The following CCDC180 variants were observed in gnomAD, a reference collection of about 807,000 sequenced individuals.
The protein encoded by CCDC180 is coiled-coil domain containing 180, also known as coiled-coil domain-containing protein 180.
A neutral mutation model predicts 209.2 loss-of-function variants in CCDC180; 154 were observed. The ratio of observed to expected loss-of-function variants is 0.74; its 90% CI spans 0.65 to 0.84. The LOEUF (loss-of-function observed/expected upper bound fraction) is 0.84, where lower values mean the gene tolerates loss of function less well. Ranked by LOEUF, CCDC180 falls within the 40% of genes least tolerant of loss-of-function variation. The pLI is 0.00. For synonymous variants in CCDC180, 778 were observed against 749.1 expected, an observed-to-expected ratio of 1.04 and a Z score of -0.63; for missense variants, 1,874 against 1,997.3, an observed-to-expected ratio of 0.94 and a Z score of 1.18.
rs1250583362 is a variant in CCDC180, at chr9:97,349,283, G to C, written c.2847G>C (p.Arg949Ser). Residue 949 changes from arginine (R) to serine (S), a missense_variant, in exon 21 of 37, where the codon AGG becomes AGC. Physicochemically the swap from Arg to Ser is moderately radical, Grantham distance 110 (BLOSUM62 -1). Coordinates refer to ENST00000529487, the MANE Select transcript of CCDC180 (RefSeq NM_020893.6). ...AGCACATCTTCTTGAATGCCACCAG[G>C]AGCCAAAAGTAAGGGGTCCTGGGAG... ...DMEHIFLNAT[R>S]SQKLVTLSNT... The C allele has an allele frequency of 6.5e-7, 1 of 1,536,542 alleles. No individual in the cohort carries two copies. The highest frequency in any genetic ancestry group is 2.0e-5 in the Admixed American group (1 of 50,984).
intron 18 of CCDC180, among the ~76,000 whole-genome samples, 164 bp downstream of exon 18, chr9:97,330,931 A>G (rs1825727056): frequency 1.3e-5 from 2 of 152,154 alleles, no homozygotes; most frequent in Non-Finnish European, 2.9e-5. Flanking sequence ...AAAAAATTTT[A>G]TTTTAGGTTC....
chr9:97,344,241 A>T (rs371837971), intron 19 of CCDC180, among the ~76,000 whole-genome samples: 4 of 152,130 alleles, frequency 2.6e-5, no homozygotes, highest in Non-Finnish European at 5.9e-5. Flanking sequence ...CTACAATGTC[A>T]TAGGAGGGCT....
At position 97,343,419 on chromosome 9, in the gene CCDC180, A is replaced by C. The variant is rs776618032; in HGVS notation, c.2354A>C (p.Tyr785Ser). The change falls in exon 19 of 37, where the codon TAT becomes TCT. Residue 785 changes from tyrosine to serine, a missense_variant. Transcript: ENST00000529487. ...TTCACAATCTCCAGTGGAAACACTT[A>C]TTTTGTCTTTGTACCCCTGGAAGAA... is the stretch of plus-strand genomic sequence containing the variant. ...ESFTISSGNT[Y>S]FVFVPLEEEH... The C allele has an allele frequency of 4.3e-6, 7 of 1,613,938 alleles. No homozygotes were observed. The highest frequency in any genetic ancestry group is 5.1e-6 in the Non-Finnish European group (6 of 1,179,820).
chr9:97,345,680 G>A (rs775826840), intron 19 of CCDC180: 2 of 376,460 alleles, frequency 5.3e-6, no homozygotes, highest in South Asian at 2.0e-5. Flanking sequence ...GAACCCAGGA[G>A]GCGGAGGTTA....
At position 97,371,089 on chromosome 9, in the gene CCDC180, G is replaced by A. The variant is rs1051088802; in HGVS notation, c.4488+311G>A. 1.2e-4 allele frequency: 21 copies of A among 173,796 alleles called. No homozygotes were observed. In the East Asian group the frequency reaches 2.8e-3, roughly 23 times the overall value. The allele number at this position is 173,796 out of a possible 1,614,324, so 10.8% of individuals were successfully genotyped here. On this transcript the variant is annotated intron_variant, in intron 33 of 36. Coordinates refer to ENST00000529487, the MANE Select transcript of CCDC180 (RefSeq NM_020893.6). The stretch of plus-strand genomic sequence containing the variant: ...CGCCATTCTCCTGCCTCAGCCTCCC[G>A]AGTAGCTGGGACTACAGGCGCCCGC...
chr9:97,370,831 T>C (rs1827071849), intron 33 of CCDC180, 53 bp downstream of exon 33: 1 of 1,591,220 alleles, frequency 6.3e-7, no homozygotes, highest in Non-Finnish European at 8.6e-7. Flanking sequence ...TATAGCCCGA[T>C]GGACAGCCAC....
rs533308728 is a variant in CCDC180 at position 97,330,585 on chromosome 9, G to A, written c.2092G>A (p.Val698Ile). The change falls in exon 18 of 37, where the codon GTT becomes ATT. Residue 698 changes from valine (V) to isoleucine (I), a missense_variant. Val to Ile is a conservative substitution (Grantham distance 29, BLOSUM62 3). Coordinates refer to ENST00000529487, the MANE Select transcript of CCDC180 (RefSeq NM_020893.6). ...GSIQGLEEMQVEREGSLNPSL... is the reference protein window; with the variant it reads ...GSIQGLEEMQIEREGSLNPSL... ...TATTCAGGGACTGGAAGAAATGCAG[G>A]TTGAAAGAGAGGGCTCCTTAAACCC... The A allele has an allele frequency of 1.2e-6, 2 of 1,614,108 alleles. No homozygotes were observed. The highest frequency in any genetic ancestry group is 8.5e-7 in the Non-Finnish European group (1 of 1,180,022).
rs1564047 is a variant in CCDC180 at position 97,352,673 on chromosome 9, T to C, written c.3003-1896T>C. ...AAGCTTGCATTTGTTTTAAATATTATTAAGATTTTTCTGATTATAAAAATA... is the reference window on the plus strand; with the variant it reads ...AAGCTTGCATTTGTTTTAAATATTACTAAGATTTTTCTGATTATAAAAATA... On this transcript the variant is annotated intron_variant, in intron 22 of 36. Coordinates refer to ENST00000529487, the MANE Select transcript of CCDC180 (RefSeq NM_020893.6). Among the ~76,000 whole-genome samples, 1,414 of 152,288 alleles carry C rather than the reference T, an allele frequency of 9.3e-3. 41 individuals carry two copies. In the East Asian group the frequency reaches 0.095, roughly 10 times the overall value.
chr9:97,314,429 T>C lies in CCDC180; in HGVS notation c.496T>C (p.Phe166Leu). 1.9e-6 allele frequency: 3 copies of C among 1,614,130 alleles called. No homozygotes were observed. Among genetic ancestry groups the C allele is most frequent in the East Asian group, 2.2e-5 (1 of 44,882 alleles). Residue 166 changes from phenylalanine to leucine, a missense_variant, in exon 6 of 37, where the codon TTT becomes CTT. Coordinates refer to ENST00000529487, the MANE Select transcript of CCDC180 (RefSeq NM_020893.6). ...TCTCATCGTGGACACAGGGGGACTT[T>C]TTTTGAAGAAGCTGACTGAGTCTGA... Reference protein sequence around the residue: ...EPLIVDTGGLFLKKLTESDEE... With the variant: ...EPLIVDTGGLLLKKLTESDEE...
chr9:97,348,127 G>C (rs1220185008), intron 20 of CCDC180, among the ~76,000 whole-genome samples: 5 of 146,872 alleles, frequency 3.4e-5, no homozygotes, highest in African/African-American at 1.2e-4. Flanking sequence ...GGCGGGGGGG[G>C]GGCATGTTTT....
At chr9:97,318,718 G>T (rs1833262470) in intron 10 of CCDC180, 136 bp downstream of exon 10, 2 of 1,211,746 alleles carry the variant, frequency 1.7e-6, no homozygotes, top group Non-Finnish European at 2.3e-6. Context: ...CCCTGGGCTG[G>T]CCACCTGGAC....
intron 5 of CCDC180, 117 bp downstream of exon 5, chr9:97,313,462 G>A: frequency 1.5e-6 from 1 of 649,998 alleles, no homozygotes. Context: ...GGCTCACAGA[G>A]CCTTAGACGA....
At position 97,331,329 on chromosome 9, in the gene CCDC180, G is replaced by A. The variant is rs7868299; in HGVS notation, c.2274+562G>A. On this transcript the variant is annotated intron_variant, in intron 18 of 36. Transcript: ENST00000529487. ...TTATCCAGTCCTACTGTCAATGGGC[G>A]TTTAGGTTGATTCCATGTCTTAGCT... Among the ~76,000 whole-genome samples, 274 of 152,248 alleles carry A rather than the reference G, an allele frequency of 1.8e-3. 1 individual carries two copies. The highest frequency in any genetic ancestry group is 5.6e-3 in the African/African-American group (232 of 41,540).
chr9:97,331,867 T>C (rs1825764413), intron 18 of CCDC180, among the ~76,000 whole-genome samples: 1 of 152,240 alleles, frequency 6.6e-6, no homozygotes, highest in Non-Finnish European at 1.5e-5. Flanking sequence ...ACTCTGTTGA[T>C]AGTTTCTTTT....
chr9:97,359,747 C>T (rs536699344), intron 25 of CCDC180, among the ~76,000 whole-genome samples: 2 of 152,200 alleles, frequency 1.3e-5, no homozygotes, highest in African/African-American at 2.4e-5. Flanking sequence ...GAAGAGAACT[C>T]CTGATGTTCC....
intron 18 of CCDC180, among the ~76,000 whole-genome samples, 163 bp downstream of exon 18, chr9:97,330,930 T>C (rs903490930): frequency 7.9e-5 from 12 of 152,230 alleles, no homozygotes; most frequent in African/African-American, 2.9e-4. Context: ...AAAAAAATTT[T>C]ATTTTAGGTT....
At chr9:97,331,684 GC>G (rs576630028) in intron 18 of CCDC180, among the ~76,000 whole-genome samples, 66 of 151,040 alleles carry the variant, frequency 4.4e-4, no homozygotes, top group African/African-American at 1.6e-3. Context: ...ATACTGGTTG[GC>G]CACATGTATG....
chr9:97,377,009 T>A lies in CCDC180; in HGVS notation c.*115T>A. 4.9e-6 allele frequency: 6 copies of A among 1,216,156 alleles called. No homozygotes were observed. Among genetic ancestry groups the A allele is most frequent in the Non-Finnish European group, 6.8e-6 (6 of 886,134 alleles). 75.3% of individuals were successfully genotyped at this position (1,216,156 alleles called of 1,614,324 possible). On this transcript the variant is annotated 3_prime_UTR_variant, in exon 37 of 37. Transcript: ENST00000529487. ...TCCCTTCATCCCTCCACCCCTGCTC[T>A]GTGCCGGGCACTGTAGCTTTACCAG...
At chr9:97,354,270 C>T (rs986238153) in intron 22 of CCDC180, among the ~76,000 whole-genome samples, 8 of 152,066 alleles carry the variant, frequency 5.3e-5, no homozygotes, top group African/African-American at 1.7e-4. Context: ...TGAGCCACTG[C>T]GCCTGGCAAG....
Sources: allele counts gnomAD v4.1 joint callset (sites outside exome capture counted in the v4.1 genomes callset), GRCh38; gene constraint gnomAD v4.1.1; transcripts MANE v1.5; gene names NCBI Gene and HGNC (gene_info 2026-07-23, HGNC 2026-07-21).